PLCB1: variants seen among roughly 807,000 people sequenced by gnomAD.
The protein encoded by PLCB1 is phospholipase C beta 1.
A neutral mutation model predicts 161.8 loss-of-function variants in PLCB1; 46 were observed. The observed-to-expected ratio is 0.28, with a 90% CI of 0.22 to 0.36. The LOEUF (loss-of-function observed/expected upper bound fraction) is 0.36. PLCB1 is among the 10% of genes least tolerant of loss of function. PLCB1 has a pLI of 1.00. For missense variants in PLCB1, 1,016 were observed against 1,472.5 expected (o/e 0.69, Z 5.07); for synonymous variants, 517 against 503.7 (o/e 1.03, Z -0.35).
chr20:8,679,090 A>G (rs1990155538), intron 9 of PLCB1, among the ~76,000 whole-genome samples: 1 of 152,182 alleles, frequency 6.6e-6, no homozygotes, highest in Admixed American at 6.5e-5. Context: ...CCCTTGACAC[A>G]TAGAGATGCA....
chr20:8,137,004 G>A (rs954492368), intron 1 of PLCB1, among the ~76,000 whole-genome samples: 1 of 152,080 alleles, frequency 6.6e-6, no homozygotes, highest in Non-Finnish European at 1.5e-5. Context: ...TTCTAACATG[G>A]AAAAATAATT....
intron 2 of PLCB1, among the ~76,000 whole-genome samples, chr20:8,222,184 A>G (rs2123165268): frequency 6.6e-6 from 1 of 152,234 alleles, no homozygotes; most frequent in South Asian, 2.1e-4. Flanking sequence ...TTATTCACAT[A>G]TTTACCACGA....
chr20:8,269,599 G>T (rs1308921416), intron 2 of PLCB1, among the ~76,000 whole-genome samples: 1 of 152,036 alleles, frequency 6.6e-6, no homozygotes, highest in Non-Finnish European at 1.5e-5. Context: ...AAAACTGATT[G>T]TCTTGTTTCC....
chr20:8,188,390 T>C (rs1395789144), intron 2 of PLCB1, among the ~76,000 whole-genome samples: 4 of 152,104 alleles, frequency 2.6e-5, no homozygotes, highest in African/African-American at 9.7e-5. Flanking sequence ...AATAATGCAG[T>C]TGAACACAAT....
intron 26 of PLCB1, among the ~76,000 whole-genome samples, chr20:8,767,247 G>T (rs1982366429): frequency 1.3e-5 from 2 of 152,138 alleles, no homozygotes; most frequent in African/African-American, 4.8e-5. Flanking sequence ...GCCTCCTTCG[G>T]TAGGGACTGA....
intron 31 of PLCB1, among the ~76,000 whole-genome samples, chr20:8,870,701 T>C (rs941261645): frequency 6.6e-6 from 1 of 152,228 alleles, no homozygotes; most frequent in Non-Finnish European, 1.5e-5. Context: ...CCTTGACTCC[T>C]CCAACCTTCC....
intron 10 of PLCB1, among the ~76,000 whole-genome samples, chr20:8,687,743 C>G (rs1000109439): frequency 3.3e-5 from 5 of 152,308 alleles, no homozygotes; most frequent in African/African-American, 9.6e-5. Flanking sequence ...GACTGATGGG[C>G]ATTTCAGTTG....
chr20:8,495,686 C>G (rs548947391), intron 3 of PLCB1, among the ~76,000 whole-genome samples: 1 of 152,022 alleles, frequency 6.6e-6, no homozygotes, highest in African/African-American at 2.4e-5. Context: ...CGTGAGCCAC[C>G]GCGCCTGGCC....
At chr20:8,572,898 T>A (rs1046778045) in intron 3 of PLCB1, among the ~76,000 whole-genome samples, 2 of 152,110 alleles carry the variant, frequency 1.3e-5, no homozygotes, top group Non-Finnish European at 2.9e-5. Context: ...TGGTGAAAGG[T>A]CATTTTTGGA....
At chr20:8,848,594 T>A (rs1986775428) in intron 31 of PLCB1, among the ~76,000 whole-genome samples, 1 of 152,224 alleles carries the variant, frequency 6.6e-6, no homozygotes, top group Non-Finnish European at 1.5e-5. Context: ...TTATATCACA[T>A]CTGGGTACCC....
intron 3 of PLCB1, among the ~76,000 whole-genome samples, chr20:8,392,357 C>T (rs1230632549): frequency 6.6e-6 from 1 of 152,158 alleles, no homozygotes; most frequent in Non-Finnish European, 1.5e-5. Context: ...CCAGCCTTCA[C>T]ATCTGTGGAA....
chr20:8,764,686 T>G (rs551349473), intron 25 of PLCB1, among the ~76,000 whole-genome samples: 2 of 152,222 alleles, frequency 1.3e-5, no homozygotes, highest in Admixed American at 1.3e-4. Flanking sequence ...CTTGCCTTCT[T>G]GCCTCAAGAT....
chr20:8,592,287 T>A lies in PLCB1; in HGVS notation c.247-36007T>A, dbSNP rs543418319. Among the ~76,000 whole-genome samples, 31 of 151,870 alleles carry A rather than the reference T, an allele frequency of 2.0e-4. 1 individual carries two copies. The South Asian group carries it at 6.4e-3, about 32-fold the overall frequency. On this transcript the variant is annotated intron_variant, in intron 3 of 31. Coordinates refer to ENST00000338037, the MANE Select transcript of PLCB1 (RefSeq NM_015192.4). ...CAAACCATTAATACAGTAAAAAAAA[T>A]AATGTGTTCAGGATAACTAAGCAGC...
chr20:8,523,496 C>CTATATATATATATATA (rs777011717), intron 3 of PLCB1, among the ~76,000 whole-genome samples: 1 of 51,648 alleles, frequency 1.9e-5, no homozygotes, highest in Non-Finnish European at 3.7e-5. Context: ...CTCTCTCTCT[C>CTATATATATATATATA]TATATATATA....
intron 31 of PLCB1, among the ~76,000 whole-genome samples, chr20:8,803,937 G>C (rs538862662): frequency 6.6e-6 from 1 of 152,084 alleles, no homozygotes; most frequent in South Asian, 2.1e-4. Context: ...GGGATTACAG[G>C]CTCCCTCCAC....
chr20:8,228,110 G>T (rs1979798049), intron 2 of PLCB1, among the ~76,000 whole-genome samples: 1 of 151,998 alleles, frequency 6.6e-6, no homozygotes, highest in Non-Finnish European at 1.5e-5. Flanking sequence ...AGTGAGCTGA[G>T]ATTGTGCCAT....
intron 2 of PLCB1, among the ~76,000 whole-genome samples, chr20:8,274,897 G>C (rs1323104548): frequency 1.3e-5 from 2 of 152,092 alleles, no homozygotes; most frequent in African/African-American, 4.8e-5. Context: ...TTTGCTTTTC[G>C]TGCCTGGATG....
Position 8,433,505 on chromosome 20 carries a change from G to T in PLCB1, c.246+62055G>T, listed in dbSNP as rs979592935. ...AAAGCCCCTGCTGTGGAGTGAATTT[G>T]CTTATGTCACACTCTATCTGAGTGA... is the stretch of plus-strand genomic sequence containing the variant. On this transcript the variant is annotated intron_variant, in intron 3 of 31. Coordinates refer to ENST00000338037, the MANE Select transcript of PLCB1 (RefSeq NM_015192.4). Among the ~76,000 whole-genome samples, 18 of 132,096 alleles carry T rather than the reference G, an allele frequency of 1.4e-4. 1 individual carries two copies. The highest frequency in any genetic ancestry group is 5.4e-4 in the African/African-American group (18 of 33,350). 86.7% of individuals were successfully genotyped at this position (132,096 alleles called of 152,430 possible).
intron 14 of PLCB1, 132 bp from the exon 15 acceptor site, chr20:8,722,222 G>GA: frequency 1.7e-6 from 1 of 604,214 alleles, no homozygotes; most frequent in Admixed American, 3.8e-5. Flanking sequence ...TTAAATCCTT[G>GA]AAAAAAATAA....
Sources: allele counts gnomAD v4.1 joint callset (sites outside exome capture counted in the v4.1 genomes callset), GRCh38; gene constraint gnomAD v4.1.1; transcripts MANE v1.5; gene names NCBI Gene and HGNC (gene_info 2026-07-23, HGNC 2026-07-21).